The following FHIT variants were observed in gnomAD, a reference collection of about 807,000 sequenced individuals.
The protein encoded by FHIT is bis(5'-adenosyl)-triphosphatase.
A neutral mutation model predicts 17.9 loss-of-function variants in FHIT; 19 were observed. The observed-to-expected ratio is 1.06, with a 90% CI of 0.74 to 1.56. The LOEUF (loss-of-function observed/expected upper bound fraction) is 1.56. FHIT is among the 40% of genes most tolerant of loss of function. The pLI, the probability that FHIT is intolerant of heterozygous loss-of-function variation, is 0.00. For synonymous variants in FHIT, 81 were observed against 69.7 expected (o/e 1.16, Z -0.81); for missense variants, 248 against 189.2 (o/e 1.31, Z -1.82).
chr3:61,046,124 A>T (rs1488923221), intron 2 of FHIT, among the ~76,000 whole-genome samples: 2 of 152,232 alleles, frequency 1.3e-5, no homozygotes, highest in African/African-American at 2.4e-5. Context: ...ACAGAAGGCA[A>T]GAAATGACTA....
intron 4 of FHIT, among the ~76,000 whole-genome samples, chr3:60,539,099 A>G (rs1161875027): frequency 1.3e-5 from 2 of 152,212 alleles, no homozygotes; most frequent in Non-Finnish European, 2.9e-5. Flanking sequence ...TTACAAGAAA[A>G]AAACAAACAA....
At chr3:61,049,547 T>C (rs973683075) in intron 2 of FHIT, among the ~76,000 whole-genome samples, 1 of 152,120 alleles carries the variant, frequency 6.6e-6, no homozygotes, top group African/African-American at 2.4e-5. Context: ...CTGAATGAAC[T>C]AACTCATGTT....
intron 5 of FHIT, among the ~76,000 whole-genome samples, chr3:60,028,972 C>A (rs1700867341): frequency 6.6e-6 from 1 of 152,120 alleles, no homozygotes; most frequent in African/African-American, 2.4e-5. Flanking sequence ...AGAAAAGATG[C>A]CCCATCTGTA....
intron 5 of FHIT, among the ~76,000 whole-genome samples, chr3:60,455,734 G>A (rs1248213201): frequency 1.3e-5 from 2 of 152,038 alleles, no homozygotes; most frequent in Non-Finnish European, 2.9e-5. Context: ...TAAGGATCCT[G>A]AGAATGACTT....
intron 4 of FHIT, among the ~76,000 whole-genome samples, chr3:60,772,194 C>A (rs979434841): frequency 6.6e-6 from 1 of 151,864 alleles, no homozygotes; most frequent in Non-Finnish European, 1.5e-5. Flanking sequence ...AATGGTTTTG[C>A]CCCCATGATG....
Position 60,345,269 on chromosome 3 carries a change from C to T in FHIT, c.103+191591G>A, listed in dbSNP as rs551294570. On this transcript the variant is annotated intron_variant, in intron 5 of 9. Transcript: ENST00000492590. The stretch of plus-strand genomic sequence containing the variant: ...CCTGTTGAAGCTGGGCAGGGCCTCA[C>T]AGTGAGTTCCAACACAGCACACCAG... Among the ~76,000 whole-genome samples, 7 of 152,296 alleles carry T rather than the reference C, an allele frequency of 4.6e-5. No homozygotes were observed. In the South Asian group the frequency reaches 8.3e-4, roughly 18 times the overall value.
intron 8 of FHIT, among the ~76,000 whole-genome samples, chr3:59,825,605 C>CTATAAAACCATGTCTA (rs1700950019): frequency 6.6e-6 from 1 of 152,174 alleles, no homozygotes; most frequent in African/African-American, 2.4e-5. Context: ...AATGCTCAGG[C>CTATAAAACCATGTCTA]TATAAAACCA....
intron 4 of FHIT, among the ~76,000 whole-genome samples, chr3:60,600,001 A>G (rs1553668220): frequency 6.6e-6 from 1 of 152,150 alleles, no homozygotes; most frequent in East Asian, 1.9e-4. Context: ...GATGTCGCTA[A>G]ATGTGTTCAG....
intron 2 of FHIT, among the ~76,000 whole-genome samples, chr3:61,146,328 C>G (rs1446663556): frequency 1.3e-5 from 2 of 152,028 alleles, no homozygotes; most frequent in Non-Finnish European, 2.9e-5. Flanking sequence ...CTGTCTCTTA[C>G]ATACAAATTA....
At chr3:60,425,156 C>A (rs921641112) in intron 5 of FHIT, among the ~76,000 whole-genome samples, 1 of 152,074 alleles carries the variant, frequency 6.6e-6, no homozygotes, top group Admixed American at 6.6e-5. Flanking sequence ...CTATCTGAAG[C>A]ACCCTCCTAC....
At chr3:60,374,406 T>C (rs1206301681) in intron 5 of FHIT, among the ~76,000 whole-genome samples, 1 of 152,124 alleles carries the variant, frequency 6.6e-6, no homozygotes, top group African/African-American at 2.4e-5. Flanking sequence ...TGTAAGTTTT[T>C]ACTCAATTCT....
intron 5 of FHIT, among the ~76,000 whole-genome samples, chr3:60,456,189 A>C (rs2032081046): frequency 6.6e-6 from 1 of 152,240 alleles, no homozygotes; most frequent in African/African-American, 2.4e-5. Context: ...TGTTGCCTTT[A>C]AATATTCACA....
chr3:60,429,173 A>C (rs1026408435), intron 5 of FHIT, among the ~76,000 whole-genome samples: 17 of 152,186 alleles, frequency 1.1e-4, no homozygotes, highest in Admixed American at 2.6e-4. Flanking sequence ...ACATTCATAA[A>C]AATTTTGGTC....
At chr3:60,005,917 C>G (rs1319761701) in intron 7 of FHIT, among the ~76,000 whole-genome samples, 2 of 152,146 alleles carry the variant, frequency 1.3e-5, no homozygotes, top group Non-Finnish European at 2.9e-5. Context: ...TTGAGAGCAG[C>G]AGCCCCCTAC....
chr3:60,555,236 C>T (rs990325325), intron 4 of FHIT, among the ~76,000 whole-genome samples: 2 of 152,066 alleles, frequency 1.3e-5, no homozygotes, highest in Non-Finnish European at 2.9e-5. Context: ...CAGAAGATGT[C>T]GGTTAAAGGA....
At chr3:60,575,191 G>A (rs561072486) in intron 4 of FHIT, among the ~76,000 whole-genome samples, 2 of 152,274 alleles carry the variant, frequency 1.3e-5, no homozygotes, top group Admixed American at 1.3e-4. Context: ...GGACTTGGCT[G>A]AGTAGGTTGA....
chr3:60,507,794 A>G (rs1435765825), intron 5 of FHIT, among the ~76,000 whole-genome samples: 1 of 152,078 alleles, frequency 6.6e-6, no homozygotes, highest in Non-Finnish European at 1.5e-5. Context: ...CTGTTCCTGC[A>G]TTAGTTTGCT....
At chr3:60,179,605 A>C (rs1032879764) in intron 5 of FHIT, among the ~76,000 whole-genome samples, 3 of 152,104 alleles carry the variant, frequency 2.0e-5, no homozygotes, top group African/African-American at 7.2e-5. Context: ...AAGACAGGAA[A>C]ACTTATAAGA....
intron 5 of FHIT, among the ~76,000 whole-genome samples, chr3:60,341,792 T>C (rs1328277655): frequency 2.0e-5 from 3 of 152,168 alleles, no homozygotes; most frequent in Non-Finnish European, 2.9e-5. Flanking sequence ...TAGTGCGAGG[T>C]AACCAAAGGC....
Sources: allele counts gnomAD v4.1 joint callset (sites outside exome capture counted in the v4.1 genomes callset), GRCh38; gene constraint gnomAD v4.1.1; transcripts MANE v1.5; gene names NCBI Gene and HGNC (gene_info 2026-07-23, HGNC 2026-07-21).